ERI1: variants seen among roughly 807,000 people sequenced by gnomAD.
ERI1 encodes exoribonuclease 1, also known as 3'-5' exoribonuclease 1.
Under a neutral mutation model 39.7 loss-of-function variants are expected in ERI1, and 39 were observed. That is an observed-to-expected ratio of 0.98 (90% CI 0.76 to 1.28). ERI1 has a LOEUF of 1.28. Ranked by LOEUF, ERI1 falls within the 50% of genes most tolerant of loss-of-function variation. ERI1 has a pLI of 0.00. For missense variants in ERI1, 581 were observed against 416.9 expected, an observed-to-expected ratio of 1.39 and a Z score of -3.43; for synonymous variants, 204 against 149.6, an observed-to-expected ratio of 1.36 and a Z score of -2.65.
Position 9,099,785 on chromosome 8 carries a change from T to G in ERI1, n.300-16563T>G, listed in dbSNP as rs574019935. On this transcript the variant is annotated intron_variant and non_coding_transcript_variant, in intron 3 of 3. Transcript: ENST00000518663. The stretch of plus-strand genomic sequence containing the variant: ...TTTGGGGTTGTTTCTACTTTTTGGT[T>G]ATTACGAATAATGCCGCAGTCTTTG... The G allele has an allele frequency of 2.0e-5, 3 of 152,326 alleles. No homozygotes were observed. The South Asian group carries it at 6.2e-4, about 32-fold the overall frequency. 9.4% of individuals were successfully genotyped at this position (152,326 alleles called of 1,614,324 possible).
rs1816543966 is a variant in ERI1 at position 9,010,457 on chromosome 8, A to G, written c.288-1085A>G. On this transcript the variant is annotated intron_variant, in intron 2 of 6. Transcript: ENST00000250263. ...TGAAAATCTCAAGCAAAGAAACAAT[A>G]TTAAGACATTTCATCTTAAAAAAGC... is the stretch of plus-strand genomic sequence containing the variant. 2.0e-5 allele frequency among the ~76,000 whole-genome samples: 3 copies of G among 152,362 alleles called. No individual in the cohort carries two copies. In the South Asian group the frequency reaches 6.2e-4, roughly 32 times the overall value.
At chr8:9,004,709 G>A (rs561847550) in intron 1 of ERI1, among the ~76,000 whole-genome samples, 11 of 147,480 alleles carry the variant, frequency 7.5e-5, no homozygotes, top group African/African-American at 2.5e-4. Flanking sequence ...TTTTGGAGAC[G>A]GAGTTTCGTT....
intron 3 of ERI1, among the ~76,000 whole-genome samples, chr8:9,048,015 A>T (rs1184218444): frequency 6.6e-6 from 1 of 152,244 alleles, no homozygotes; most frequent in African/African-American, 2.4e-5. Context: ...CCAAGGCCAC[A>T]AAGCCAGTAA....
chr8:9,069,333 A>G (rs189243142), intron 3 of ERI1, among the ~76,000 whole-genome samples: 36 of 152,306 alleles, frequency 2.4e-4, no homozygotes, highest in African/African-American at 8.4e-4. Context: ...AAAAGCACTT[A>G]TGTTTTAATT....
chr8:9,037,890 T>TAAA (rs139374560), downstream of ERI1, among the ~76,000 whole-genome samples: 534 of 115,868 alleles, frequency 4.6e-3, 10 homozygotes, highest in South Asian at 9.5e-3. Context: ...CATTGCTGAT[T>TAAA]TAAAAAAAAA....
At position 9,030,067 on chromosome 8, in the gene ERI1, A is replaced by G; in HGVS notation, c.*33A>G. ...TTTGTGTGTGGATCATTCCAATTGA[A>G]GTTGCTATGAAGAGGTAGCAGATGA... On this transcript the variant is annotated 3_prime_UTR_variant, in exon 7 of 7. Coordinates refer to ENST00000250263, the MANE Select transcript of ERI1 (RefSeq NM_153332.4). 6.2e-7 allele frequency: 1 copy of G among 1,607,406 alleles called. No individual in the cohort carries two copies. Among genetic ancestry groups the G allele is most frequent in the Non-Finnish European group, 8.5e-7 (1 of 1,174,730 alleles).
rs1799447542 is a variant in ERI1, at chr8:9,083,965, T to A, written n.300-32383T>A. Among the ~76,000 whole-genome samples the A allele has an allele frequency of 2.6e-5, 4 of 152,284 alleles. No individual in the cohort carries two copies. The South Asian group carries it at 8.3e-4, about 32-fold the overall frequency. On this transcript the variant is annotated intron_variant and non_coding_transcript_variant, in intron 3 of 3. Transcript: ENST00000518663. The stretch of plus-strand genomic sequence containing the variant: ...CCTGCCACCATGCCCGGCTAATTTT[T>A]TGTATTTTTAGTAGAGACGGGGTTT...
chr8:9,092,802 G>C (rs1475870526), intron 3 of ERI1, among the ~76,000 whole-genome samples: 1 of 152,198 alleles, frequency 6.6e-6, no homozygotes, highest in Non-Finnish European at 1.5e-5. Flanking sequence ...AACAGACCGG[G>C]TGGCTTCTTA....
chr8:9,018,079 A>G (rs1279052493), intron 4 of ERI1, among the ~76,000 whole-genome samples: 2 of 152,224 alleles, frequency 1.3e-5, no homozygotes, highest in South Asian at 4.1e-4. Context: ...TGGGAGGATT[A>G]TACTTTTCAG....
intron 3 of ERI1, among the ~76,000 whole-genome samples, chr8:9,052,049 T>A (rs1338566298): frequency 6.6e-6 from 1 of 152,202 alleles, no homozygotes; most frequent in African/African-American, 2.4e-5. Context: ...ATGAAAGAAT[T>A]AATGTTTATA....
intron 3 of ERI1, among the ~76,000 whole-genome samples, chr8:9,081,690 G>GTTT (rs10701231): frequency 0.012 from 1,773 of 146,758 alleles, 26 homozygotes; most frequent in African/African-American, 0.039. Context: ...TTTTGTTTTT[G>GTTT]TTTTTTTTTG....
rs970719598 is a variant in ERI1, at chr8:9,080,855, C to T, written n.300-35493C>T. Among the ~76,000 whole-genome samples the T allele has an allele frequency of 2.0e-5, 3 of 152,288 alleles. No homozygotes were observed. The South Asian group carries it at 6.2e-4, about 32-fold the overall frequency. On this transcript the variant is annotated intron_variant and non_coding_transcript_variant, in intron 3 of 3. Transcript: ENST00000518663. ...AAAGAATGGGGCAGACAGCACAGCC[C>T]AGAATTGGCTACTACTTAAGATTTA...
intron 3 of ERI1, among the ~76,000 whole-genome samples, chr8:9,055,206 T>G (rs1798469794): frequency 6.6e-6 from 1 of 152,208 alleles, no homozygotes; most frequent in South Asian, 2.1e-4. Flanking sequence ...TATAGGTTAG[T>G]GTTTGCGTTA....
chr8:9,016,768 C>A (rs539480689), intron 4 of ERI1, among the ~76,000 whole-genome samples: 3 of 152,198 alleles, frequency 2.0e-5, no homozygotes, highest in Non-Finnish European at 2.9e-5. Flanking sequence ...TCACTGCAGC[C>A]TCTGCCTCCT....
At chr8:9,034,613 G>T (rs1015980712), downstream of ERI1, among the ~76,000 whole-genome samples, 1 of 151,978 alleles carries the variant, frequency 6.6e-6, no homozygotes, top group African/African-American at 2.4e-5. Context: ...ATAAATGTCT[G>T]TGTTTTCCCC....
At chr8:9,062,501 G>C (rs1053295183) in intron 3 of ERI1, among the ~76,000 whole-genome samples, 1 of 149,494 alleles carries the variant, frequency 6.7e-6, no homozygotes. Context: ...GGAGTTTTAA[G>C]AGGTTTAGAA....
chr8:9,072,167 C>T (rs551790059), intron 3 of ERI1, among the ~76,000 whole-genome samples: 9 of 152,306 alleles, frequency 5.9e-5, no homozygotes, highest in East Asian at 5.8e-4. Context: ...CTTTCCCTAA[C>T]GTTTGACAAT....
intron 2 of ERI1, among the ~76,000 whole-genome samples, chr8:9,010,770 A>T (rs1468646395): frequency 6.6e-6 from 1 of 152,204 alleles, no homozygotes; most frequent in African/African-American, 2.4e-5. Context: ...TAAAGAATGA[A>T]GTCACCTGAT....
Position 9,031,629 on chromosome 8 carries a change from T to C in ERI1, c.*1595T>C, listed in dbSNP as rs1029984493. 3.3e-5 allele frequency: 5 copies of C among 152,200 alleles called. No homozygotes were observed. The highest frequency in any genetic ancestry group is 1.9e-4 in the East Asian group (1 of 5,196). The allele number at this position is 152,200 out of a possible 1,614,324, so 9.4% of individuals were successfully genotyped here. On this transcript the variant is annotated 3_prime_UTR_variant, in exon 7 of 7. Transcript: ENST00000250263. Reference sequence around the variant, plus strand: ...AAAATCTGATGATGACGAGGAAATATTACGTTTCCAGTTTTTTTAGCTCTA... The same window carrying C: ...AAAATCTGATGATGACGAGGAAATACTACGTTTCCAGTTTTTTTAGCTCTA...
Sources: gnomAD v4.1 joint callset for allele counts (sites outside exome capture counted in the v4.1 genomes callset) on GRCh38, gnomAD v4.1.1 for gene constraint, MANE v1.5 for transcripts, NCBI Gene and HGNC (gene_info 2026-07-23, HGNC 2026-07-21) for gene names.